The following ZNF415 variants were observed in gnomAD, a reference collection of about 807,000 sequenced individuals.
ZNF415 encodes the protein zinc finger protein 415.
In ZNF415, 5 loss-of-function variants were observed where a neutral mutation model predicts 7.3. That is an observed-to-expected ratio of 0.69 (90% CI 0.36 to 1.44). The LOEUF (loss-of-function observed/expected upper bound fraction) is 1.44. ZNF415 is among the 40% of genes most tolerant of loss of function. The pLI is 0.04. For synonymous variants in ZNF415, 207 were observed against 226.3 expected (o/e 0.91, Z 0.77); for missense variants, 628 against 664.8 (o/e 0.94, Z 0.61).
At chr19:53,123,764 A>C (rs574730822) in intron 1 of ZNF415, 10 of 392,528 alleles carry the variant, frequency 2.5e-5, no homozygotes, top group African/African-American at 1.9e-4. Context: ...TAAATATATA[A>C]TATTTTCTTT....
At chr19:53,130,500 T>C (rs2089920181) in intron 1 of ZNF415, among the ~76,000 whole-genome samples, 1 of 152,106 alleles carries the variant, frequency 6.6e-6, no homozygotes, top group Non-Finnish European at 1.5e-5. Context: ...GATTATAGGA[T>C]GCCACCAAAG....
chr19:53,128,308 T>G (rs1259897461), intron 1 of ZNF415, among the ~76,000 whole-genome samples: 1 of 150,386 alleles, frequency 6.6e-6, no homozygotes, highest in Non-Finnish European at 1.5e-5. Flanking sequence ...GGGGACACCA[T>G]GGAATCCAGT....
At position 53,108,103 on chromosome 19, in the gene ZNF415, T is replaced by C. The variant is rs1378086354; in HGVS notation, c.*274A>G. The stretch of plus-strand genomic sequence containing the variant: ...GATGTTTACACATTTTGATGTCTAG[T>C]GAGTTGTGAGACCTAAATGAAGCCT... On this transcript the variant is annotated 3_prime_UTR_variant, in exon 4 of 4. Coordinates refer to ENST00000243643, the MANE Select transcript of ZNF415 (RefSeq NM_018355.4). The C allele has an allele frequency of 2.4e-6, 1 of 421,546 alleles. No homozygotes were observed. Among genetic ancestry groups the C allele is most frequent in the East Asian group, 3.9e-5 (1 of 25,882 alleles). The allele number at this position is 421,546 out of a possible 1,614,324, so 26.1% of individuals were successfully genotyped here. A position where few individuals can be genotyped will look rare whatever the true frequency, so the allele number is the denominator to read the frequency against.
Position 53,109,365 on chromosome 19 carries a change from T to C in ZNF415, c.680A>G (p.His227Arg). 1.2e-6 allele frequency: 2 copies of C among 1,614,202 alleles called. No homozygotes were observed. Among genetic ancestry groups the C allele is most frequent in the Non-Finnish European group, 1.7e-6 (2 of 1,180,022 alleles). Residue 227 changes from histidine (H) to arginine (R), a missense_variant, in exon 4 of 4, where the codon CAT (histidine) becomes CGT (arginine). Transcript: ENST00000243643. Reference sequence around the variant, plus strand: ...CTGACGTACAGTCATGTGTGAGCCATGATTCAAGGCTTTGTCGCACTCAAT... The same window carrying C: ...CTGACGTACAGTCATGTGTGAGCCACGATTCAAGGCTTTGTCGCACTCAAT... ...RYIECDKALN[H>R]GSHMTVRQVS...
chr19:53,118,102 A>C (rs1227771444), intron 2 of ZNF415, among the ~76,000 whole-genome samples: 2 of 152,156 alleles, frequency 1.3e-5, no homozygotes, highest in Non-Finnish European at 2.9e-5. Context: ...ACTCAAAGTG[A>C]AAATATGAAA....
At chr19:53,123,142 C>T (rs1465559748) in intron 1 of ZNF415, among the ~76,000 whole-genome samples, 2 of 152,024 alleles carry the variant, frequency 1.3e-5, no homozygotes, top group Non-Finnish European at 1.5e-5. Flanking sequence ...ACTGTATTAT[C>T]GAGGGTGGGT....
chr19:53,131,192 CT>C (rs1397993375), intron 1 of ZNF415, among the ~76,000 whole-genome samples: 1 of 146,644 alleles, frequency 6.8e-6, no homozygotes. Context: ...GACACCCCTG[CT>C]TTAGAGAGAC....
chr19:53,127,791 C>T (rs1403259860), intron 1 of ZNF415, among the ~76,000 whole-genome samples: 16 of 149,946 alleles, frequency 1.1e-4, no homozygotes, highest in Admixed American at 3.4e-4. Flanking sequence ...GCACGCGAAT[C>T]GCTTGAACCT....
In ZNF415 at chr19:53,108,673, G is replaced by A; in HGVS notation, c.1372C>T (p.His458Tyr). ...AFSVHSNLTT[H>Y]QVIHTGEKPY... ...TTCTCTCCAGTATGGATGACCTGAT[G>A]GGTAGTTAAGTTCGAATGCACACTA... Residue 458 changes from histidine to tyrosine, a missense_variant, in exon 4 of 4, where the codon CAT becomes TAT. Transcript: ENST00000243643. 2 of 1,614,150 alleles carry A rather than the reference G, an allele frequency of 1.2e-6. No homozygotes were observed. The highest frequency in any genetic ancestry group is 1.7e-6 in the Non-Finnish European group (2 of 1,180,018).
chr19:53,127,875 C>CAAAAAAAAA (rs35037197), intron 1 of ZNF415, among the ~76,000 whole-genome samples: 7 of 126,216 alleles, frequency 5.5e-5, no homozygotes, highest in South Asian at 2.6e-4. Context: ...GACACCGTCT[C>CAAAAAAAAA]AAAAAAAAAA....
At position 53,108,802 on chromosome 19, in the gene ZNF415, T is replaced by C. The variant is rs10410030; in HGVS notation, c.1243A>G (p.Asn415Asp). ...IHTGEKPYKC[N>D]ECGKVFSYNS... ...TAACTGAAAACCTTACCACATTCAT[T>C]GCATTTGTAAGGTTTCTCTCCAGTA... The change falls in exon 4 of 4, where the codon AAT becomes GAT. Residue 415 changes from asparagine (N) to aspartate (D), a missense_variant. Transcript: ENST00000243643. The C allele has an allele frequency of 0.14, 230,642 of 1,613,998 alleles. 17,837 individuals carry two copies. Among genetic ancestry groups the C allele is most frequent in the African/African-American group, 0.21 (15,865 of 74,968 alleles).
At chr19:53,128,900 G>A (rs1224960022) in intron 1 of ZNF415, among the ~76,000 whole-genome samples, 1 of 86,592 alleles carries the variant, frequency 1.2e-5, no homozygotes, top group Non-Finnish European at 2.9e-5. Flanking sequence ...CCGTGGCCCA[G>A]ATGGAGACTG....
At chr19:53,128,568 C>A (rs2089592267) in intron 1 of ZNF415, among the ~76,000 whole-genome samples, 1 of 110,502 alleles carries the variant, frequency 9.0e-6, no homozygotes, top group Admixed American at 9.9e-5. Context: ...AAGGCAAAGC[C>A]CCTGCCCAGG....
chr19:53,107,967 T>TA lies in ZNF415; in HGVS notation c.*409dup, dbSNP rs1219578272. On this transcript the variant is annotated 3_prime_UTR_variant, in exon 4 of 4. Coordinates refer to ENST00000243643, the MANE Select transcript of ZNF415 (RefSeq NM_018355.4). ...CTTGCATTTGTTCTACAATGTGTAATATGAAAAGTTTATCAGCACAACTAG... is the reference window on the plus strand; with the variant it reads ...CTTGCATTTGTTCTACAATGTGTAATAATGAAAAGTTTATCAGCACAACTAG... 5.7e-6 allele frequency: 1 copy of TA among 174,000 alleles called. No homozygotes were observed. The highest frequency in any genetic ancestry group is 5.5e-5 in the Admixed American group (1 of 18,038). 10.8% of individuals were successfully genotyped at this position (174,000 alleles called of 1,614,324 possible).
At chr19:53,123,545 G>A (rs779154831) in intron 1 of ZNF415, 8 of 398,670 alleles carry the variant, frequency 2.0e-5, no homozygotes, top group East Asian at 3.6e-5. Context: ...CACAGCCCAC[G>A]TGAAGGCCTT....
At position 53,109,044 on chromosome 19, in the gene ZNF415, C is replaced by T. The variant is rs867913825; in HGVS notation, c.1001G>A (p.Gly334Asp). 1 of 1,613,690 alleles carries T rather than the reference C, an allele frequency of 6.2e-7. No homozygotes were observed. Among genetic ancestry groups the T allele is most frequent in the East Asian group, 2.2e-5 (1 of 44,856 alleles). The change falls in exon 4 of 4, where the codon GGC becomes GAC. Residue 334 changes from glycine to aspartate, a missense_variant. Transcript: ENST00000243643. Reference sequence around the variant, plus strand: ...TGTTGACCTCACACTAAAGGCTTTGCCACACTCTTTACATGTGTAAGGTTT... The same window carrying T: ...TGTTGACCTCACACTAAAGGCTTTGTCACACTCTTTACATGTGTAAGGTTT... Reference protein sequence around the residue: ...GEKPYTCKECGKAFSVRSTLT... With the variant: ...GEKPYTCKECDKAFSVRSTLT...
At chr19:53,124,353 A>AG (rs1251121394) in intron 1 of ZNF415, 1 of 152,262 alleles carries the variant, frequency 6.6e-6, no homozygotes, top group African/African-American at 2.4e-5. Flanking sequence ...TGGAGGGTGA[A>AG]GGGGCGCCAG....
At chr19:53,116,216 C>G (rs1287267588) in intron 3 of ZNF415, 97 bp downstream of exon 3, 1 of 1,405,958 alleles carries the variant, frequency 7.1e-7, no homozygotes, top group African/African-American at 1.4e-5. Flanking sequence ...AGGCCTCAAA[C>G]TCAGTCAGGT....
chr19:53,119,602 C>T (rs1165532578), intron 2 of ZNF415, among the ~76,000 whole-genome samples: 1 of 150,488 alleles, frequency 6.6e-6, no homozygotes, highest in East Asian at 2.0e-4. Context: ...TACAAAAACA[C>T]AAAGGATCAA....
Sources: allele counts gnomAD v4.1 joint callset (sites outside exome capture counted in the v4.1 genomes callset), GRCh38; gene constraint gnomAD v4.1.1; transcripts MANE v1.5; gene names NCBI Gene and HGNC (gene_info 2026-07-23, HGNC 2026-07-21).